Variants in NPAS3 observed in about 807,000 individuals in gnomAD.
NPAS3 encodes neuronal PAS domain-containing protein 3.
In NPAS3, 14 loss-of-function variants were observed where a neutral mutation model predicts 73.1. That is an observed-to-expected ratio of 0.19 (90% confidence interval 0.13 to 0.30). The LOEUF is 0.30. Ranked by LOEUF, NPAS3 falls within the 10% of genes least tolerant of loss-of-function variation. The pLI, the probability that NPAS3 is intolerant of heterozygous loss-of-function variation, is 1.00. For missense variants in NPAS3, 1,096 were observed against 1,250.0 expected (o/e 0.88, Z 1.86); for synonymous variants, 620 against 541.5 (o/e 1.14, Z -2.01).
intron 6 of NPAS3, among the ~76,000 whole-genome samples, chr14:33,706,282 T>C (rs2060654038): frequency 6.6e-6 from 1 of 152,174 alleles, no homozygotes; most frequent in African/African-American, 2.4e-5. Flanking sequence ...AGAGGGAGGA[T>C]GGAGCTACCA....
At chr14:33,784,216 A>C (rs1042755464) in intron 9 of NPAS3, among the ~76,000 whole-genome samples, 1 of 152,218 alleles carries the variant, frequency 6.6e-6, no homozygotes, top group Admixed American at 6.5e-5. Context: ...GAATATGAGC[A>C]GTCGTTTTTT....
chr14:33,051,853 G>T (rs535886616), intron 1 of NPAS3, among the ~76,000 whole-genome samples: 1 of 152,092 alleles, frequency 6.6e-6, no homozygotes, highest in African/African-American at 2.4e-5. Flanking sequence ...TCCACCTCCC[G>T]GGTTCAAGCG....
chr14:33,433,421 C>A (rs1425855229), intron 4 of NPAS3, among the ~76,000 whole-genome samples: 1 of 152,174 alleles, frequency 6.6e-6, no homozygotes, highest in Non-Finnish European at 1.5e-5. Context: ...TCCTGCCTTT[C>A]TGACCCTGAA....
chr14:33,208,784 T>C (rs2046923719), intron 2 of NPAS3, among the ~76,000 whole-genome samples: 3 of 152,172 alleles, frequency 2.0e-5, no homozygotes, highest in Admixed American at 2.0e-4. Context: ...ACAAATGAAA[T>C]TTTGCTGCTA....
intron 6 of NPAS3, among the ~76,000 whole-genome samples, chr14:33,689,864 C>CCT (rs1709227802): frequency 6.6e-6 from 1 of 152,138 alleles, no homozygotes. Flanking sequence ...GCTGACTTCC[C>CCT]TTTTTCTAAG....
At chr14:33,224,639 T>C (rs2047556151) in intron 3 of NPAS3, among the ~76,000 whole-genome samples, 1 of 152,128 alleles carries the variant, frequency 6.6e-6, no homozygotes, top group Non-Finnish European at 1.5e-5. Flanking sequence ...AACATTTTCT[T>C]CCATAATAAA....
chr14:33,563,738 T>TG (rs1226037546), intron 5 of NPAS3, among the ~76,000 whole-genome samples: 2 of 152,146 alleles, frequency 1.3e-5, no homozygotes, highest in African/African-American at 4.8e-5. Flanking sequence ...GCATAGAGAC[T>TG]GAATAACTTG....
At chr14:33,735,131 C>A in intron 6 of NPAS3, 83 bp from the exon 7 acceptor site, 1 of 911,664 alleles carries the variant, frequency 1.1e-6, no homozygotes, top group Non-Finnish European at 1.8e-6. Context: ...TTTTAGTGAA[C>A]TCAAGGATTG....
chr14:33,312,215 A>G (rs1162331646), intron 3 of NPAS3, among the ~76,000 whole-genome samples: 1 of 150,960 alleles, frequency 6.6e-6, no homozygotes, highest in Non-Finnish European at 1.5e-5. Flanking sequence ...TACTATGGAT[A>G]TTGCTACTAC....
At chr14:33,484,885 A>C (rs1443628070) in intron 4 of NPAS3, among the ~76,000 whole-genome samples, 2 of 152,184 alleles carry the variant, frequency 1.3e-5, no homozygotes, top group African/African-American at 4.8e-5. Context: ...CCTGACACCC[A>C]GACCCTTCAC....
chr14:32,979,130 C>T (rs1057469140), intron 1 of NPAS3, among the ~76,000 whole-genome samples: 1 of 152,090 alleles, frequency 6.6e-6, no homozygotes, highest in South Asian at 2.1e-4. Context: ...TGTTAAAGAG[C>T]TTAGTGCAGT....
chr14:33,154,220 C>G (rs750563063), intron 2 of NPAS3, among the ~76,000 whole-genome samples: 9 of 152,188 alleles, frequency 5.9e-5, no homozygotes, highest in Non-Finnish European at 1.3e-4. Context: ...CCCCAATTCA[C>G]TATATTGACA....
intron 6 of NPAS3, among the ~76,000 whole-genome samples, chr14:33,726,815 G>A (rs1435885063): frequency 1.3e-5 from 2 of 152,090 alleles, no homozygotes; most frequent in Non-Finnish European, 2.9e-5. Flanking sequence ...GTCTTCTAGG[G>A]TCATGTGCTG....
intron 3 of NPAS3, among the ~76,000 whole-genome samples, chr14:33,365,008 G>T (rs2045773943): frequency 6.7e-6 from 1 of 149,332 alleles, no homozygotes; most frequent in South Asian, 2.1e-4. Context: ...TTTTTTGGGG[G>T]AGGGGGGAGG....
intron 1 of NPAS3, among the ~76,000 whole-genome samples, chr14:32,985,964 TCAGA>T (rs1471518841): frequency 6.6e-6 from 1 of 152,172 alleles, no homozygotes; most frequent in Non-Finnish European, 1.5e-5. Context: ...CCCGTGTCAT[TCAGA>T]CAGACAGCAG....
intron 4 of NPAS3, among the ~76,000 whole-genome samples, chr14:33,499,539 T>A (rs1277124275): frequency 6.6e-6 from 1 of 151,898 alleles, no homozygotes. Context: ...TATTCTGAGA[T>A]CACTTGTAAG....
intron 2 of NPAS3, among the ~76,000 whole-genome samples, chr14:33,123,143 G>T (rs1050335664): frequency 6.6e-6 from 1 of 152,000 alleles, no homozygotes; most frequent in African/African-American, 2.4e-5. Context: ...AGTATTTTAT[G>T]TAGAAGATAA....
At chr14:33,804,115 A>T (rs1195542557), downstream of NPAS3, 1 of 152,070 alleles carries the variant, frequency 6.6e-6, no homozygotes, top group Admixed American at 6.6e-5. Flanking sequence ...GTCTTTATGT[A>T]ACTTAATTTT....
chr14:33,231,916 T>C (rs963331876), intron 3 of NPAS3, among the ~76,000 whole-genome samples: 1 of 152,180 alleles, frequency 6.6e-6, no homozygotes, highest in African/African-American at 2.4e-5. Context: ...CATACTAGCC[T>C]CTGTGCAAAA....
Sources: allele counts gnomAD v4.1 joint callset (sites outside exome capture counted in the v4.1 genomes callset), GRCh38; gene constraint gnomAD v4.1.1; transcripts MANE v1.5; gene names NCBI Gene and HGNC (gene_info 2026-07-23, HGNC 2026-07-21).